Variants in CA10 observed in about 807,000 individuals in gnomAD.
The protein encoded by CA10 is carbonic anhydrase-related protein 10.
Under a neutral mutation model 44.2 loss-of-function variants are expected in CA10, and 14 were observed. That is an observed-to-expected ratio of 0.32 (90% CI 0.21 to 0.50). CA10 has a LOEUF of 0.50. Ranked by LOEUF, CA10 falls within the 20% of genes least tolerant of loss-of-function variation. The probability of loss-of-function intolerance (pLI) is 0.99; values close to 1 mark genes in which losing one functional copy is unlikely to be tolerated. For synonymous variants in CA10, 159 were observed against 141.6 expected (o/e 1.12, Z -0.87); for missense variants, 350 against 409.7 (o/e 0.85, Z 1.26).
chr17:51,710,941 T>TTTTTTG (rs1915924181), intron 4 of CA10, among the ~76,000 whole-genome samples: 1 of 147,914 alleles, frequency 6.8e-6, no homozygotes, highest in Non-Finnish European at 1.5e-5. Flanking sequence ...TTTTTTTTTT[T>TTTTTTG]TTTGCTTCAC....
intron 4 of CA10, among the ~76,000 whole-genome samples, chr17:51,709,895 A>G (rs1915879270): frequency 6.6e-6 from 1 of 152,182 alleles, no homozygotes; most frequent in South Asian, 2.1e-4. Context: ...TCTTGTGAGG[A>G]GCCAGGGAGT....
chr17:51,894,377 T>C (rs1324818414), intron 3 of CA10, among the ~76,000 whole-genome samples: 1 of 152,020 alleles, frequency 6.6e-6, no homozygotes, highest in Non-Finnish European at 1.5e-5. Context: ...GAGTGGGCAC[T>C]AGCATTAAAA....
At chr17:52,151,334 C>G (rs1989698917) in intron 1 of CA10, among the ~76,000 whole-genome samples, 1 of 151,856 alleles carries the variant, frequency 6.6e-6, no homozygotes, top group Non-Finnish European at 1.5e-5. Context: ...TATGAACATA[C>G]TATTCTTGCC....
chr17:51,840,085 C>A (rs969980596), intron 3 of CA10, among the ~76,000 whole-genome samples: 7 of 152,168 alleles, frequency 4.6e-5, no homozygotes, highest in African/African-American at 1.4e-4. Flanking sequence ...ATATTGGGTC[C>A]ATAACTTAAC....
intron 4 of CA10, among the ~76,000 whole-genome samples, chr17:51,659,384 C>G (rs1913917312): frequency 6.6e-6 from 1 of 152,186 alleles, no homozygotes; most frequent in Non-Finnish European, 1.5e-5. Flanking sequence ...GGTTCTCCAG[C>G]TTGCAGACTG....
chr17:52,031,768 C>T (rs985666187), intron 2 of CA10, among the ~76,000 whole-genome samples: 11 of 152,088 alleles, frequency 7.2e-5, no homozygotes, highest in Admixed American at 2.6e-4. Flanking sequence ...ATATCTTCTC[C>T]CATTCCGCCA....
chr17:51,961,833 C>A (rs897434906), intron 2 of CA10, among the ~76,000 whole-genome samples: 1 of 152,210 alleles, frequency 6.6e-6, no homozygotes, highest in Non-Finnish European at 1.5e-5. Context: ...GCGATGCCCT[C>A]TCTGCTCCGT....
chr17:52,116,128 C>A (rs896531871), intron 1 of CA10, among the ~76,000 whole-genome samples: 1 of 151,582 alleles, frequency 6.6e-6, no homozygotes, highest in African/African-American at 2.4e-5. Flanking sequence ...GTTGGAGAAA[C>A]CCATTTACAT....
At chr17:51,733,765 G>T (rs1162498148) in intron 4 of CA10, among the ~76,000 whole-genome samples, 1 of 152,114 alleles carries the variant, frequency 6.6e-6, no homozygotes, top group Non-Finnish European at 1.5e-5. Flanking sequence ...TACTGTTTCG[G>T]CTCTCTAAAG....
At chr17:52,008,797 C>T (rs578012425) in intron 2 of CA10, among the ~76,000 whole-genome samples, 2 of 151,952 alleles carry the variant, frequency 1.3e-5, no homozygotes, top group Admixed American at 1.3e-4. Context: ...TTTGATCCTG[C>T]TTTTGAATAC....
At chr17:51,719,820 T>G (rs1017320880) in intron 4 of CA10, among the ~76,000 whole-genome samples, 3 of 150,894 alleles carry the variant, frequency 2.0e-5, no homozygotes, top group African/African-American at 7.3e-5. Flanking sequence ...AGCCCAGGAG[T>G]TCAAGGCTGG....
At chr17:52,066,394 C>T (rs1478467081) in intron 2 of CA10, among the ~76,000 whole-genome samples, 4 of 152,162 alleles carry the variant, frequency 2.6e-5, no homozygotes, top group African/African-American at 9.7e-5. Context: ...TGGGTCCCCA[C>T]CCAAATCTCA....
rs191152762 is a variant in CA10, at chr17:51,664,381, G to A, written c.466-10645C>T. Among the ~76,000 whole-genome samples the A allele has an allele frequency of 1.3e-3, 195 of 152,216 alleles. 1 individual carries two copies. Among genetic ancestry groups the A allele is most frequent in the African/African-American group, 4.5e-3 (188 of 41,532 alleles). On this transcript the variant is annotated intron_variant, in intron 4 of 8. Transcript: ENST00000451037. ...CAATCAAGTAGGGCTCATATCAGGAGTTAAGGGTAAATCAATGCTGGAGAA... is the reference window on the plus strand; with the variant it reads ...CAATCAAGTAGGGCTCATATCAGGAATTAAGGGTAAATCAATGCTGGAGAA...
chr17:51,812,420 AT>A (rs1907406649), intron 3 of CA10, among the ~76,000 whole-genome samples: 1 of 152,184 alleles, frequency 6.6e-6, no homozygotes, highest in South Asian at 2.1e-4. Flanking sequence ...TTGCTGTGAA[AT>A]TCACCATAGT....
chr17:51,901,588 CAGT>C (rs1390014753), intron 3 of CA10, among the ~76,000 whole-genome samples: 1 of 152,018 alleles, frequency 6.6e-6, no homozygotes, highest in Non-Finnish European at 1.5e-5. Flanking sequence ...CTTGCACTGG[CAGT>C]GGTGGTGGTG....
intron 4 of CA10, among the ~76,000 whole-genome samples, chr17:51,678,127 G>T (rs767925826): frequency 6.6e-6 from 1 of 152,132 alleles, no homozygotes; most frequent in Non-Finnish European, 1.5e-5. Flanking sequence ...GTGAAAGAAA[G>T]CAGACCAAAA....
chr17:52,035,218 C>A (rs1986581854), intron 2 of CA10, among the ~76,000 whole-genome samples: 1 of 152,142 alleles, frequency 6.6e-6, no homozygotes, highest in South Asian at 2.1e-4. Flanking sequence ...ACCCCAGAGT[C>A]AGCCAGCAGA....
In CA10 at chr17:51,878,767, C is replaced by G. The variant is rs375145984; in HGVS notation, c.279+52223G>C. On this transcript the variant is annotated intron_variant, in intron 3 of 8. Coordinates refer to ENST00000451037, the MANE Select transcript of CA10 (RefSeq NM_020178.5). The stretch of plus-strand genomic sequence containing the variant: ...AAAGAAATGTTTTTCAAGCTTATAA[C>G]TATTCATTCACTGACAAACAGGGTG... 5.6e-5 allele frequency among the ~76,000 whole-genome samples: 8 copies of G among 143,002 alleles called. No homozygotes were observed. In the South Asian group the frequency reaches 1.6e-3, roughly 28 times the overall value. 93.8% of individuals were successfully genotyped at this position (143,002 alleles called of 152,430 possible). A position where few individuals can be genotyped will look rare whatever the true frequency, so the allele number is the denominator to read the frequency against.
rs570977960 is a variant in CA10 at position 52,093,953 on chromosome 17, T to G, written c.62-21560A>C. 2.0e-5 allele frequency among the ~76,000 whole-genome samples: 3 copies of G among 152,176 alleles called. No individual in the cohort carries two copies. The East Asian group carries it at 5.8e-4, about 29-fold the overall frequency. ...CTGGGGCCTGAAAGCAAGATTCAGC[T>G]CTAAAGATTACATCCTTAAGATGAG... On this transcript the variant is annotated intron_variant, in intron 1 of 8. Coordinates refer to ENST00000451037, the MANE Select transcript of CA10 (RefSeq NM_020178.5).
Sources: allele counts gnomAD v4.1 joint callset (sites outside exome capture counted in the v4.1 genomes callset), GRCh38; gene constraint gnomAD v4.1.1; transcripts MANE v1.5; gene names NCBI Gene and HGNC (gene_info 2026-07-23, HGNC 2026-07-21).